DST: variants seen among roughly 807,000 people sequenced by gnomAD.
DST encodes the protein bullous pemphigoid antigen.
Under a neutral mutation model 875.2 loss-of-function variants are expected in DST, and 253 were observed. The ratio of observed to expected loss-of-function variants is 0.29; its 90% CI spans 0.26 to 0.32. DST has a LOEUF of 0.32. DST is among the 10% of genes least tolerant of loss of function. The pLI is 1.00. For missense variants in DST, 8,287 were observed against 9,111.6 expected (o/e 0.91, Z 3.68); for synonymous variants, 3,124 against 3,197.1 (o/e 0.98, Z 0.77).
intron 2 of DST, among the ~76,000 whole-genome samples, chr6:56,912,251 C>T (rs773412365): frequency 1.3e-5 from 2 of 152,118 alleles, no homozygotes; most frequent in Admixed American, 6.5e-5. Context: ...TGGGGTCGGG[C>T]GCAGCACACT....
At position 56,490,823 on chromosome 6, in the gene DST, G is replaced by A. The variant is rs1438724217; in HGVS notation, c.20758-1214C>T. Among the ~76,000 whole-genome samples the A allele has an allele frequency of 2.6e-5, 4 of 152,126 alleles. No homozygotes were observed. In the East Asian group the frequency reaches 7.7e-4, roughly 29 times the overall value. On this transcript the variant is annotated intron_variant, in intron 85 of 103. Transcript: ENST00000680361. The stretch of plus-strand genomic sequence containing the variant: ...ACGCACAAGTTCTGAGGCTGGTTCT[G>A]CTTTCAAAACTATTTTTAAGCCATA...
chr6:56,826,429 ATATT>A (rs1449157413), intron 4 of DST, among the ~76,000 whole-genome samples: 1 of 152,192 alleles, frequency 6.6e-6, no homozygotes, highest in Non-Finnish European at 1.5e-5. Context: ...GGTGGTATTT[ATATT>A]TATTATAGAA....
intron 6 of DST, 122 bp from the exon 7 acceptor site, chr6:56,703,868 C>T (rs1346722128): frequency 6.7e-6 from 1 of 150,016 alleles, no homozygotes; most frequent in Non-Finnish European, 1.3e-5. Context: ...AAGTAATGTT[C>T]ACCAAAAAAA....
intron 4 of DST, among the ~76,000 whole-genome samples, chr6:56,801,807 T>C (rs2099747464): frequency 6.7e-6 from 1 of 149,978 alleles, no homozygotes; most frequent in Non-Finnish European, 1.5e-5. Flanking sequence ...CGGAGCGCGA[T>C]GGTATGATCT....
rs1407536246 is a variant in DST, at chr6:56,601,649, T to C, written c.11335A>G (p.Lys3779Glu). 6.3e-7 allele frequency: 1 copy of C among 1,588,898 alleles called. No individual in the cohort carries two copies. Among genetic ancestry groups the C allele is most frequent in the South Asian group, 1.1e-5 (1 of 87,648 alleles). ...AAGGCAGTAGTCTCCAGCTGCATTTTGGTATGTCCAAGGTCTTTTAATACA... is the reference window on the plus strand; with the variant it reads ...AAGGCAGTAGTCTCCAGCTGCATTTCGGTATGTCCAAGGTCTTTTAATACA... Reference protein sequence around the residue: ...KNVLKDLGHTKMQLETTAFDV... With the variant: ...KNVLKDLGHTEMQLETTAFDV... The change falls in exon 44 of 104, where the codon AAA becomes GAA. Residue 3779 changes from lysine (K) to glutamate (E), a missense_variant. Around this residue, in one of 10 missense-constraint regions of DST, gnomAD observed 3,138 missense variants for 3,116.6 expected, o/e 1.01. Transcript: ENST00000680361.
At chr6:56,572,013 G>A (rs1585203115) in intron 53 of DST, 87 bp downstream of exon 53, 1 of 681,088 alleles carries the variant, frequency 1.5e-6, no homozygotes, top group Non-Finnish European at 2.1e-6. Context: ...TTTCAAAATT[G>A]TTTCAGTTAT....
At position 56,605,042 on chromosome 6, in the gene DST, C is replaced by T; in HGVS notation, c.9586G>A (p.Val3196Ile). The T allele has an allele frequency of 6.2e-7, 1 of 1,612,846 alleles. No individual in the cohort carries two copies. Among genetic ancestry groups the T allele is most frequent in the Non-Finnish European group, 8.5e-7 (1 of 1,179,312 alleles). ...HCAKNIKAKD[V>I]AKPNEDVPSH... ...GGGACATCTTCATTTGGTTTGGCTA[C>T]ATCTTTTGCTTTTATATTTTTAGCA... Residue 3196 changes from valine to isoleucine, a missense_variant, in exon 40 of 104, where the codon GTA becomes ATA. Val to Ile is a conservative substitution (Grantham distance 29). Transcript: ENST00000680361.
chr6:56,809,524 C>T (rs1243052027), intron 4 of DST, among the ~76,000 whole-genome samples: 1 of 149,612 alleles, frequency 6.7e-6, no homozygotes, highest in East Asian at 1.9e-4. Flanking sequence ...ACATTAGAAA[C>T]CAAAGAAATT....
Position 56,483,370 on chromosome 6 carries a change from G to A in DST, c.21208-493C>T, listed in dbSNP as rs1460118556. Among the ~76,000 whole-genome samples, 5 of 152,220 alleles carry A rather than the reference G, an allele frequency of 3.3e-5. No homozygotes were observed. The East Asian group carries it at 9.7e-4, about 29-fold the overall frequency. On this transcript the variant is annotated intron_variant, in intron 88 of 103. Transcript: ENST00000680361. ...ATGTGTGTACCACGGATGTCTTAGAGATAATGGCAGGGAATTCCATAGGAA... is the reference window on the plus strand; with the variant it reads ...ATGTGTGTACCACGGATGTCTTAGAAATAATGGCAGGGAATTCCATAGGAA...
intron 61 of DST, among the ~76,000 whole-genome samples, chr6:56,549,433 A>T (rs2097283450): frequency 6.6e-6 from 1 of 152,228 alleles, no homozygotes; most frequent in Non-Finnish European, 1.5e-5. Context: ...TCCAAAAATT[A>T]TGTTAAAACT....
At chr6:56,684,987 A>AC (rs2099174460) in intron 9 of DST, among the ~76,000 whole-genome samples, 1 of 55,542 alleles carries the variant, frequency 1.8e-5, no homozygotes, top group African/African-American at 6.5e-5. Context: ...AACAGCCCCC[A>AC]CCCACCCCCC....
chr6:56,808,979 C>G (rs2099756646), intron 4 of DST, among the ~76,000 whole-genome samples: 1 of 152,160 alleles, frequency 6.6e-6, no homozygotes, highest in South Asian at 2.1e-4. Context: ...GCGGTGCAGC[C>G]TTCCTCATCA....
intron 72 of DST, among the ~76,000 whole-genome samples, chr6:56,513,883 C>T (rs1042099191): frequency 1.7e-4 from 26 of 152,136 alleles, no homozygotes; most frequent in Admixed American, 1.4e-3. Flanking sequence ...GGTAACATGG[C>T]CCTTGGAGCC....
chr6:56,512,630 ACT>A (rs2096499002), intron 72 of DST, among the ~76,000 whole-genome samples: 1 of 152,076 alleles, frequency 6.6e-6, no homozygotes, highest in African/African-American at 2.4e-5. Flanking sequence ...TTTCCTGCAA[ACT>A]CTAATTTCTA....
intron 4 of DST, chr6:56,843,591 G>C (rs1221944398): frequency 1.0e-6 from 1 of 984,014 alleles, no homozygotes; most frequent in African/African-American, 1.8e-5. Context: ...GGCCGCGGCA[G>C]CGGTGCGGGA....
intron 9 of DST, among the ~76,000 whole-genome samples, chr6:56,690,844 G>A (rs1420208187): frequency 6.6e-6 from 1 of 152,294 alleles, no homozygotes; most frequent in Non-Finnish European, 1.5e-5. Context: ...CAAGGTAACA[G>A]GAAGAATGTC....
At chr6:56,683,732 C>A (rs190380167) in intron 9 of DST, among the ~76,000 whole-genome samples, 336 of 152,300 alleles carry the variant, frequency 2.2e-3, no homozygotes, top group Non-Finnish European at 3.4e-3. Context: ...TTTAACCCTG[C>A]CATGTAAACT....
At chr6:56,518,037 T>C (rs1206614224) in intron 69 of DST, among the ~76,000 whole-genome samples, 1 of 152,130 alleles carries the variant, frequency 6.6e-6, no homozygotes, top group Non-Finnish European at 1.5e-5. Flanking sequence ...AAGTACATAG[T>C]TCCAAGCAAA....
chr6:56,634,810 T>C lies in DST; in HGVS notation c.3330A>G (p.Arg1110=), dbSNP rs1358677857. ...SIPIKAICDY[R]QIEITIYKDD... is the part of the protein sequence containing the mutation. ...TAGGAGTTACAAGTACCTCAATTTG[T>C]CTGTAGTCACAGATAGCTTTGATCG... Residue 1110 remains arginine (R), a synonymous_variant, in exon 25 of 104, where the codon AGA becomes AGG. Transcript: ENST00000680361. 1.2e-6 allele frequency: 2 copies of C among 1,614,114 alleles called. No homozygotes were observed. Among genetic ancestry groups the C allele is most frequent in the East Asian group, 4.5e-5 (2 of 44,868 alleles).
Sources: allele counts gnomAD v4.1 joint callset (sites outside exome capture counted in the v4.1 genomes callset), GRCh38; gene constraint gnomAD v4.1.1; regional missense constraint gnomAD v4.1.1; transcripts MANE v1.5; gene names NCBI Gene and HGNC (gene_info 2026-07-23, HGNC 2026-07-21).